The following OTOP1 variants were observed in gnomAD, a reference collection of about 807,000 sequenced individuals.
OTOP1 encodes otopetrin 1, also known as proton channel OTOP1.
In OTOP1, 59 loss-of-function variants were observed where a neutral mutation model predicts 52.9. The ratio of observed to expected loss-of-function variants is 1.12; its 90% confidence interval spans 0.91 to 1.39. OTOP1 has a LOEUF of 1.39. OTOP1 is among the 40% of genes most tolerant of loss of function. OTOP1 has a pLI of 0.00. For missense variants in OTOP1, 761 were observed against 800.9 expected, an observed-to-expected ratio of 0.95 and a Z score of 0.60; for synonymous variants, 317 against 337.7, an observed-to-expected ratio of 0.94 and a Z score of 0.67.
At position 4,226,865 on chromosome 4, in the gene OTOP1, C is replaced by T. The variant is rs779391861; in HGVS notation, c.-1G>A. 2.2e-5 allele frequency: 29 copies of T among 1,324,204 alleles called. No homozygotes were observed. Among genetic ancestry groups the T allele is most frequent in the Middle Eastern group, 2.8e-4 (1 of 3,546 alleles). The allele number at this position is 1,324,204 out of a possible 1,614,324, so 82.0% of individuals were successfully genotyped here. A position where few individuals can be genotyped will look rare whatever the true frequency, so the allele number is the denominator to read the frequency against. On this transcript the variant is annotated 5_prime_UTR_variant, in exon 1 of 6. Coordinates refer to ENST00000296358, the MANE Select transcript of OTOP1 (RefSeq NM_177998.3). ...CGGGCGACCCCAGGCCCTCGAGCAT[C>T]TTCGAGACACCCGCGCCAAGTCTGG... is the stretch of plus-strand genomic sequence containing the variant.
rs1200771306 is a variant in OTOP1 at position 4,220,310 on chromosome 4, G to C, written c.403+6152C>G. 2.0e-5 allele frequency among the ~76,000 whole-genome samples: 3 copies of C among 151,548 alleles called. No homozygotes were observed. In the East Asian group the frequency reaches 5.8e-4, roughly 29 times the overall value. ...GATAGATCAAGTAGACAAAATATAA[G>C]ACATAGAAGAATTGAATCATACAAT... is the stretch of plus-strand genomic sequence containing the variant. On this transcript the variant is annotated intron_variant, in intron 1 of 5. Transcript: ENST00000296358.
At chr4:4,213,117 G>T (rs1577182312) in intron 1 of OTOP1, 113 bp from the exon 2 acceptor site, 1 of 1,331,134 alleles carries the variant, frequency 7.5e-7, no homozygotes. Flanking sequence ...ATGGTCAAAT[G>T]ATTTTTCACA....
At chr4:4,213,848 G>C (rs1445406135) in intron 1 of OTOP1, among the ~76,000 whole-genome samples, 1 of 152,086 alleles carries the variant, frequency 6.6e-6, no homozygotes, top group Non-Finnish European at 1.5e-5. Context: ...CCAGCACTTT[G>C]GGAGGCCGAG....
chr4:4,197,037 A>G, intron 5 of OTOP1, 129 bp downstream of exon 5: 1 of 1,007,786 alleles, frequency 9.9e-7, no homozygotes, highest in Non-Finnish European at 1.4e-6. Flanking sequence ...GGGTGATGGG[A>G]TCATTTGTGC....
intron 5 of OTOP1, among the ~76,000 whole-genome samples, chr4:4,193,157 T>C (rs976063476): frequency 6.6e-6 from 1 of 152,170 alleles, no homozygotes; most frequent in African/African-American, 2.4e-5. Flanking sequence ...TCGCAGGCCC[T>C]GTGTGGTCTC....
chr4:4,200,454 C>T (rs547098295), intron 4 of OTOP1, among the ~76,000 whole-genome samples: 4 of 140,172 alleles, frequency 2.9e-5, no homozygotes, highest in Admixed American at 7.3e-5. Context: ...CCAGCCTGGG[C>T]GACGAGCGAG....
intron 4 of OTOP1, among the ~76,000 whole-genome samples, chr4:4,200,556 T>G (rs1013445472): frequency 6.6e-6 from 1 of 151,458 alleles, no homozygotes; most frequent in African/African-American, 2.4e-5. Flanking sequence ...TCTTTTTCTT[T>G]TTTTTTTTTC....
Position 4,193,740 on chromosome 4 carries a change from G to A in OTOP1, c.1668+3426C>T, listed in dbSNP as rs376270741. ...GGACTGGGCCCTGGGTCTGGCTTTC[G>A]GGTCCTGACAGACCATCAGTTGCCA... On this transcript the variant is annotated intron_variant, in intron 5 of 5. Coordinates refer to ENST00000296358, the MANE Select transcript of OTOP1 (RefSeq NM_177998.3). Among the ~76,000 whole-genome samples the A allele has an allele frequency of 5.3e-5, 8 of 152,252 alleles. No individual in the cohort carries two copies. The South Asian group carries it at 8.3e-4, about 16-fold the overall frequency.
At chr4:4,198,768 G>A (rs1716710405) in intron 4 of OTOP1, among the ~76,000 whole-genome samples, 1 of 152,094 alleles carries the variant, frequency 6.6e-6, no homozygotes, top group African/African-American at 2.4e-5. Flanking sequence ...ATCACAGGAG[G>A]GCAGATGCTG....
intron 5 of OTOP1, among the ~76,000 whole-genome samples, chr4:4,195,047 T>TG (rs1244016464): frequency 6.6e-6 from 1 of 152,194 alleles, no homozygotes; most frequent in Non-Finnish European, 1.5e-5. Flanking sequence ...ATACAGCTAC[T>TG]GGGAGGATCA....
intron 4 of OTOP1, among the ~76,000 whole-genome samples, chr4:4,200,512 A>G (rs1055341705): frequency 1.3e-5 from 2 of 150,434 alleles, no homozygotes; most frequent in African/African-American, 4.9e-5. Flanking sequence ...ATATCGTAGC[A>G]TTAATTTTAC....
intron 1 of OTOP1, among the ~76,000 whole-genome samples, chr4:4,214,208 C>T (rs1388236852): frequency 6.6e-6 from 1 of 152,102 alleles, no homozygotes; most frequent in African/African-American, 2.4e-5. Context: ...AAGATGCTCA[C>T]CATCACTAAT....
chr4:4,210,160 A>G (rs1351259594), intron 2 of OTOP1, among the ~76,000 whole-genome samples: 1 of 152,164 alleles, frequency 6.6e-6, no homozygotes, highest in East Asian at 1.9e-4. Flanking sequence ...CCATGCTGAG[A>G]ACAATATTCG....
intron 1 of OTOP1, among the ~76,000 whole-genome samples, chr4:4,224,735 C>T (rs975134678): frequency 6.6e-6 from 1 of 152,186 alleles, no homozygotes; most frequent in African/African-American, 2.4e-5. Context: ...AGTCCCTGAG[C>T]CTAAGAAGTC....
At chr4:4,208,028 A>C (rs1208240340) in intron 2 of OTOP1, among the ~76,000 whole-genome samples, 1 of 152,220 alleles carries the variant, frequency 6.6e-6, no homozygotes, top group East Asian at 1.9e-4. Context: ...GCATCCGTCT[A>C]GCTCAGCGAA....
chr4:4,195,074 TGAGA>T (rs1716592724), intron 5 of OTOP1, among the ~76,000 whole-genome samples: 1 of 152,118 alleles, frequency 6.6e-6, no homozygotes, highest in Non-Finnish European at 1.5e-5. Flanking sequence ...AACACAAATC[TGAGA>T]GAGTCCTCCC....
At chr4:4,208,855 CAAT>C in intron 2 of OTOP1, among the ~76,000 whole-genome samples, 1 of 151,434 alleles carries the variant, frequency 6.6e-6, no homozygotes, top group Non-Finnish European at 1.5e-5. Context: ...ATAAGAATTA[CAAT>C]CCAGAACGCA....
At chr4:4,196,120 A>G (rs1232973608) in intron 5 of OTOP1, among the ~76,000 whole-genome samples, 1 of 152,212 alleles carries the variant, frequency 6.6e-6, no homozygotes, top group Admixed American at 6.5e-5. Flanking sequence ...AATGGACTGG[A>G]TAAAGAAAAT....
At chr4:4,212,634 A>G (rs1353343540) in intron 2 of OTOP1, among the ~76,000 whole-genome samples, 1 of 152,190 alleles carries the variant, frequency 6.6e-6, no homozygotes, top group Non-Finnish European at 1.5e-5. Flanking sequence ...ACTCTTCATC[A>G]TTAGAAGTTC....
Sources: gnomAD v4.1 joint callset for allele counts (sites outside exome capture counted in the v4.1 genomes callset) on GRCh38, gnomAD v4.1.1 for gene constraint, MANE v1.5 for transcripts, NCBI Gene and HGNC (gene_info 2026-07-23, HGNC 2026-07-21) for gene names.